Variants in CPNE4 observed in about 807,000 individuals in gnomAD.
CPNE4 encodes the protein copine 4, also known as copine-4.
In CPNE4, 25 loss-of-function variants were observed where a neutral mutation model predicts 67.9. That is an observed-to-expected ratio of 0.37 (90% CI 0.27 to 0.51). CPNE4 has a LOEUF of 0.51. Among genes scored for constraint, CPNE4 ranks in the 20% least tolerant of loss-of-function variants. The pLI, the probability that CPNE4 is intolerant of heterozygous loss-of-function variation, is 0.93. For missense variants in CPNE4, 464 were observed against 690.8 expected (o/e 0.67, Z 3.68); for synonymous variants, 242 against 244.9 (o/e 0.99, Z 0.11).
chr3:131,762,917 A>T (rs2082925087), intron 2 of CPNE4, among the ~76,000 whole-genome samples: 1 of 152,014 alleles, frequency 6.6e-6, no homozygotes, highest in South Asian at 2.1e-4. Flanking sequence ...CGACAGAAAA[A>T]AAAAAGCCAC....
chr3:131,986,843 C>CAAAAAAAAAAAAAAAAAAAAA, intron 1 of CPNE4, among the ~76,000 whole-genome samples: 1 of 92,130 alleles, frequency 1.1e-5, no homozygotes. Context: ...AAAAAAAAAA[C>CAAAAAAAAAAAAAAAAAAAAA]AAAAAAAAAC....
At chr3:131,798,355 T>TTC (rs1238365961) in intron 2 of CPNE4, among the ~76,000 whole-genome samples, 1 of 152,178 alleles carries the variant, frequency 6.6e-6, no homozygotes, top group African/African-American at 2.4e-5. Flanking sequence ...GCAATGCTCA[T>TTC]TCAGTCACCA....
intron 2 of CPNE4, among the ~76,000 whole-genome samples, chr3:131,882,161 C>CAA (rs1491082083): frequency 6.7e-6 from 1 of 148,748 alleles, no homozygotes; most frequent in Admixed American, 6.7e-5. Flanking sequence ...CACACACACA[C>CAA]AACCTACATC....
intron 1 of CPNE4, among the ~76,000 whole-genome samples, chr3:131,916,431 G>A (rs1211520413): frequency 4.0e-5 from 6 of 151,592 alleles, no homozygotes; most frequent in Non-Finnish European, 8.8e-5. Context: ...CCAGAAGCCA[G>A]TTTACTTGAG....
At chr3:131,688,665 C>G (rs371037975) in intron 5 of CPNE4, among the ~76,000 whole-genome samples, 1 of 152,232 alleles carries the variant, frequency 6.6e-6, no homozygotes, top group Non-Finnish European at 1.5e-5. Context: ...AATGTAAGAA[C>G]TTTCTCATTT....
At position 131,696,633 on chromosome 3, in the gene CPNE4, A is replaced by T. The variant is rs2081164817; in HGVS notation, c.433-17T>A. Reference sequence around the variant, plus strand: ...AGCAATCACCTAAAGGAAAAAGCACACATCAGCTGCAATAGAGGGTGAACT... The same window carrying T: ...AGCAATCACCTAAAGGAAAAAGCACTCATCAGCTGCAATAGAGGGTGAACT... On this transcript the variant is annotated splice_polypyrimidine_tract_variant and intron_variant, in intron 4 of 15. Coordinates refer to ENST00000429747, the MANE Select transcript of CPNE4 (RefSeq NM_130808.3). 1 of 1,612,602 alleles carries T rather than the reference A, an allele frequency of 6.2e-7. No homozygotes were observed. Among genetic ancestry groups the T allele is most frequent in the Non-Finnish European group, 8.5e-7 (1 of 1,178,738 alleles).
At chr3:131,642,997 T>C (rs2079575328) in intron 7 of CPNE4, among the ~76,000 whole-genome samples, 1 of 151,980 alleles carries the variant, frequency 6.6e-6, no homozygotes, top group Admixed American at 6.6e-5. Flanking sequence ...CGGGCAGAGA[T>C]TGGAACAGTT....
intron 1 of CPNE4, among the ~76,000 whole-genome samples, chr3:131,981,135 G>A (rs963033458): frequency 7.2e-5 from 11 of 152,226 alleles, no homozygotes; most frequent in African/African-American, 2.4e-4. Flanking sequence ...TCTTAGCTTT[G>A]GTGGTTCAAT....
intron 1 of CPNE4, among the ~76,000 whole-genome samples, chr3:131,999,151 G>C (rs2073364836): frequency 6.8e-6 from 1 of 146,414 alleles, no homozygotes; most frequent in South Asian, 2.2e-4. Context: ...GTAGTGTAAT[G>C]CAGGGAAAAG....
rs562861235 is a variant in CPNE4 at position 131,740,292 on chromosome 3, A to G, written c.181-16667T>C. On this transcript the variant is annotated intron_variant, in intron 2 of 15. Coordinates refer to ENST00000429747, the MANE Select transcript of CPNE4 (RefSeq NM_130808.3). ...CATGATCAAAGGCTTAATTCTCTAG[A>G]CTGGCTCCCTAGGTCATCTTATACA... 1.7e-4 allele frequency among the ~76,000 whole-genome samples: 26 copies of G among 152,286 alleles called. No individual in the cohort carries two copies. In the South Asian group the frequency reaches 5.4e-3, roughly 32 times the overall value.
chr3:131,966,943 T>A (rs1364121753), intron 1 of CPNE4, among the ~76,000 whole-genome samples: 1 of 152,004 alleles, frequency 6.6e-6, no homozygotes, highest in African/African-American at 2.4e-5. Context: ...CAGGCCAATA[T>A]CCCTGATGAA....
At chr3:131,739,771 A>C (rs1044330338) in intron 2 of CPNE4, among the ~76,000 whole-genome samples, 7 of 152,228 alleles carry the variant, frequency 4.6e-5, no homozygotes, top group African/African-American at 1.7e-4. Flanking sequence ...TTTACTTTAT[A>C]GGTGAGGAAC....
chr3:131,591,903 A>G (rs1159006272), intron 7 of CPNE4, among the ~76,000 whole-genome samples: 2 of 152,210 alleles, frequency 1.3e-5, no homozygotes, highest in African/African-American at 4.8e-5. Flanking sequence ...GTGTGAATCA[A>G]TAAGAAGGCC....
intron 1 of CPNE4, among the ~76,000 whole-genome samples, chr3:131,917,127 G>C (rs372184666): frequency 5.3e-5 from 8 of 152,310 alleles, no homozygotes; most frequent in East Asian, 1.9e-4. Context: ...GAGGAGTGAA[G>C]TGGCAACTCA....
At chr3:132,036,794 TA>T (rs1220634661), upstream of CPNE4, among the ~76,000 whole-genome samples, 1 of 152,164 alleles carries the variant, frequency 6.6e-6, no homozygotes, top group East Asian at 1.9e-4. Flanking sequence ...AAATTAAAAA[TA>T]ATATAAATAC....
chr3:131,983,178 G>A (rs978315287), intron 1 of CPNE4, among the ~76,000 whole-genome samples: 19 of 151,848 alleles, frequency 1.3e-4, no homozygotes, highest in Admixed American at 5.2e-4. Flanking sequence ...TTAAGTTTAG[G>A]GTCTTAGTAG....
At chr3:131,690,857 AAAAT>A (rs1282579714) in intron 5 of CPNE4, among the ~76,000 whole-genome samples, 1 of 152,166 alleles carries the variant, frequency 6.6e-6, no homozygotes, top group Non-Finnish European at 1.5e-5. Context: ...TCAATAAGCA[AAAAT>A]AAATAAATAA....
At chr3:131,849,559 A>C (rs2086152377) in intron 2 of CPNE4, among the ~76,000 whole-genome samples, 1 of 152,108 alleles carries the variant, frequency 6.6e-6, no homozygotes, top group Non-Finnish European at 1.5e-5. Flanking sequence ...ACCTCCCACC[A>C]AGCCCCTCTT....
rs1234908628 is a variant in CPNE4 at position 131,699,928 on chromosome 3, G to A, written c.413C>T (p.Ala138Val). The A allele has an allele frequency of 6.2e-7, 1 of 1,612,924 alleles. No individual in the cohort carries two copies. Residue 138 changes from alanine to valine, a missense_variant, in exon 4 of 16, where the codon GCA becomes GTA. Transcript: ENST00000429747. ...SKSLLKHGNT[A>V]GKSSITVIAE... is the part of the protein sequence containing the mutation. ...GCTTACCGTGATGGAAGATTTCCCT[G>A]CTGTGTTCCCATGCTTCAGCAAGGA...
Sources: gnomAD v4.1 joint callset for allele counts (sites outside exome capture counted in the v4.1 genomes callset) on GRCh38, gnomAD v4.1.1 for gene constraint, MANE v1.5 for transcripts, NCBI Gene and HGNC (gene_info 2026-07-23, HGNC 2026-07-21) for gene names.